Variants in BANK1 observed in about 807,000 individuals in gnomAD.
The protein encoded by BANK1 is B cell scaffold protein with ankyrin repeats 1, also known as B-cell scaffold protein with ankyrin repeats.
BANK1 carries 95 observed loss-of-function variants against 94.5 expected under a neutral mutation model. The ratio of observed to expected loss-of-function variants is 1.00; its 90% CI spans 0.85 to 1.19. The LOEUF is 1.19. Ranked by LOEUF, BANK1 falls within the 50% of genes most tolerant of loss-of-function variation. The pLI is 0.00. For synonymous variants in BANK1, 334 were observed against 308.4 expected, an observed-to-expected ratio of 1.08 and a Z score of -0.87; for missense variants, 987 against 932.2, an observed-to-expected ratio of 1.06 and a Z score of -0.77.
chr4:101,857,940 T>C (rs1040172179), intron 3 of BANK1, among the ~76,000 whole-genome samples: 1 of 152,202 alleles, frequency 6.6e-6, no homozygotes, highest in Non-Finnish European at 1.5e-5. Context: ...CATATGCCTC[T>C]TGGTTTTTTT....
At chr4:102,010,390 T>A (rs1726465192) in intron 7 of BANK1, among the ~76,000 whole-genome samples, 1 of 150,542 alleles carries the variant, frequency 6.6e-6, no homozygotes, top group South Asian at 2.1e-4. Context: ...TTGATTAATT[T>A]CTTTTTTTTT....
intron 10 of BANK1, chr4:102,036,555 C>T (rs1475891073): frequency 6.6e-6 from 1 of 152,148 alleles, no homozygotes; most frequent in Admixed American, 6.5e-5. Flanking sequence ...CACAGGTGCT[C>T]TCAGAATAGT....
At chr4:101,938,600 A>G (rs1220506654) in intron 7 of BANK1, among the ~76,000 whole-genome samples, 2 of 151,676 alleles carry the variant, frequency 1.3e-5, no homozygotes, top group South Asian at 4.1e-4. Context: ...CCAAAAGATT[A>G]AAAGTAAAAA....
At chr4:101,922,633 T>G (rs1014474683) in intron 7 of BANK1, among the ~76,000 whole-genome samples, 1 of 151,884 alleles carries the variant, frequency 6.6e-6, no homozygotes, top group African/African-American at 2.4e-5. Context: ...TTGGAATTTT[T>G]TTAAAGTTTA....
chr4:101,823,740 T>A (rs1726261234), intron 1 of BANK1, among the ~76,000 whole-genome samples: 1 of 152,256 alleles, frequency 6.6e-6, no homozygotes, highest in African/African-American at 2.4e-5. Context: ...TAAAAGTATC[T>A]GTTTGCATCT....
At position 102,022,069 on chromosome 4, in the gene BANK1, T is replaced by A. The variant is rs114741539; in HGVS notation, c.1285+477T>A. 8.0e-4 allele frequency among the ~76,000 whole-genome samples: 121 copies of A among 152,200 alleles called. 1 individual carries two copies. The highest frequency in any genetic ancestry group is 1.5e-3 in the Non-Finnish European group (100 of 68,000). On this transcript the variant is annotated intron_variant, in intron 8 of 16. Coordinates refer to ENST00000322953, the MANE Select transcript of BANK1 (RefSeq NM_017935.5). ...ATGTATATAAACGTATATGTGTATA[T>A]AAATGTATATATATACACATATATA...
intron 1 of BANK1, among the ~76,000 whole-genome samples, chr4:101,806,901 T>C (rs143584772): frequency 5.3e-4 from 81 of 152,340 alleles, no homozygotes; most frequent in African/African-American, 1.8e-3. Flanking sequence ...GAAATAGGAA[T>C]AGAACAAGTT....
chr4:101,884,338 T>G (rs1302181211), intron 5 of BANK1, among the ~76,000 whole-genome samples: 2 of 152,178 alleles, frequency 1.3e-5, no homozygotes. Flanking sequence ...TTGACCAAAG[T>G]TACTGTCCTG....
intron 6 of BANK1, among the ~76,000 whole-genome samples, chr4:101,915,859 C>A (rs559922019): frequency 6.6e-6 from 1 of 151,974 alleles, no homozygotes; most frequent in African/African-American, 2.4e-5. Context: ...TATGTCTAAT[C>A]TTTTGACAGG....
intron 11 of BANK1, among the ~76,000 whole-genome samples, chr4:102,049,908 G>A (rs1445331650): frequency 6.6e-6 from 1 of 152,184 alleles, no homozygotes; most frequent in Non-Finnish European, 1.5e-5. Flanking sequence ...ACACCTAAAT[G>A]AGCATATGCA....
intron 1 of BANK1, among the ~76,000 whole-genome samples, chr4:101,820,298 A>T (rs899397225): frequency 6.6e-6 from 1 of 152,102 alleles, no homozygotes; most frequent in Non-Finnish European, 1.5e-5. Context: ...ATCCATGAAC[A>T]ATTTCTGAGT....
intron 7 of BANK1, among the ~76,000 whole-genome samples, chr4:101,926,830 A>T (rs2148903567): frequency 6.6e-6 from 1 of 151,884 alleles, no homozygotes; most frequent in East Asian, 2.0e-4. Flanking sequence ...TATTCCAATA[A>T]GAGAAAATGG....
chr4:102,007,126 A>ATT (rs1726313854), intron 7 of BANK1, among the ~76,000 whole-genome samples: 2 of 67,982 alleles, frequency 2.9e-5, no homozygotes, highest in African/African-American at 1.3e-4. Flanking sequence ...TATATTTTAT[A>ATT]TATATATAAA....
chr4:101,944,008 ATGTG>A (rs1200754912), intron 7 of BANK1, among the ~76,000 whole-genome samples: 3 of 147,062 alleles, frequency 2.0e-5, no homozygotes, highest in Middle Eastern at 3.4e-3. Context: ...TAACCAGTAA[ATGTG>A]TGTGTGTGTT....
chr4:101,818,720 C>T (rs1468173107), intron 1 of BANK1, among the ~76,000 whole-genome samples: 1 of 152,000 alleles, frequency 6.6e-6, no homozygotes, highest in Non-Finnish European at 1.5e-5. Context: ...TGCTATGCTC[C>T]TACCGTGCCT....
chr4:101,988,858 C>T (rs572705987), intron 7 of BANK1, among the ~76,000 whole-genome samples: 10 of 152,156 alleles, frequency 6.6e-5, no homozygotes, highest in South Asian at 2.1e-4. Flanking sequence ...TATTATGTAA[C>T]GTTTTATTAA....
intron 7 of BANK1, among the ~76,000 whole-genome samples, chr4:101,932,755 T>C (rs967236278): frequency 6.6e-6 from 1 of 151,514 alleles, no homozygotes; most frequent in African/African-American, 2.4e-5. Context: ...TATATACATG[T>C]ACTGGATGAG....
chr4:101,989,476 A>G (rs1725627420), intron 7 of BANK1, among the ~76,000 whole-genome samples: 1 of 151,492 alleles, frequency 6.6e-6, no homozygotes. Flanking sequence ...TTTAAAAACC[A>G]GAAAAGCCAG....
At chr4:101,839,997 C>T (rs1726980329) in intron 2 of BANK1, among the ~76,000 whole-genome samples, 1 of 79,988 alleles carries the variant, frequency 1.3e-5, no homozygotes, top group Non-Finnish European at 2.3e-5. Flanking sequence ...GAGACAGAGT[C>T]TCGCTCTGTC....
Sources: allele counts gnomAD v4.1 joint callset (sites outside exome capture counted in the v4.1 genomes callset), GRCh38; gene constraint gnomAD v4.1.1; transcripts MANE v1.5; gene names NCBI Gene and HGNC (gene_info 2026-07-23, HGNC 2026-07-21).